TRABD2B: variants seen among roughly 807,000 people sequenced by gnomAD.
TRABD2B encodes metalloprotease TIKI2.
TRABD2B carries 14 observed loss-of-function variants against 40.1 expected under a neutral mutation model. The ratio of observed to expected loss-of-function variants is 0.35; its 90% CI spans 0.23 to 0.55. The LOEUF is 0.55. Ranked by LOEUF, TRABD2B falls within the 20% of genes least tolerant of loss-of-function variation. The probability of loss-of-function intolerance (pLI) is 0.90; values close to 1 mark genes in which losing one functional copy is unlikely to be tolerated. For missense variants in TRABD2B, 541 were observed against 648.6 expected (o/e 0.83, Z 1.80); for synonymous variants, 263 against 277.0 (o/e 0.95, Z 0.50).
chr1:47,844,252 C>A (rs953063304), intron 2 of TRABD2B, among the ~76,000 whole-genome samples: 4 of 152,176 alleles, frequency 2.6e-5, no homozygotes, highest in African/African-American at 9.6e-5. Context: ...TTTGAATAGG[C>A]CTTTTTCTCC....
At chr1:47,784,227 A>C (rs916251090) in intron 4 of TRABD2B, among the ~76,000 whole-genome samples, 33 of 152,218 alleles carry the variant, frequency 2.2e-4, no homozygotes, top group African/African-American at 7.7e-4. Flanking sequence ...GTCCCAGTTT[A>C]CTGCATGTCC....
At chr1:47,911,963 T>G (rs938960215) in intron 2 of TRABD2B, among the ~76,000 whole-genome samples, 1 of 152,192 alleles carries the variant, frequency 6.6e-6, no homozygotes, top group Admixed American at 6.5e-5. Context: ...ATGGAGTGAA[T>G]GTAATCAGTG....
intron 2 of TRABD2B, among the ~76,000 whole-genome samples, chr1:47,960,017 G>A (rs1275252247): frequency 2.0e-5 from 3 of 152,170 alleles, no homozygotes; most frequent in Non-Finnish European, 4.4e-5. Flanking sequence ...TATCCACCAC[G>A]ATCAAGCTGG....
intron 3 of TRABD2B, among the ~76,000 whole-genome samples, chr1:47,800,923 G>A (rs576614709): frequency 2.0e-5 from 3 of 152,354 alleles, no homozygotes; most frequent in East Asian, 1.9e-4. Context: ...CAGAGGGCAC[G>A]TTGTAAGGTC....
At chr1:47,895,388 A>G (rs1644503656) in intron 2 of TRABD2B, among the ~76,000 whole-genome samples, 1 of 152,178 alleles carries the variant, frequency 6.6e-6, no homozygotes, top group Admixed American at 6.5e-5. Flanking sequence ...GGAAGCATGT[A>G]CACTTCCAAG....
chr1:47,850,151 G>A (rs1171097098), intron 2 of TRABD2B, among the ~76,000 whole-genome samples: 4 of 152,246 alleles, frequency 2.6e-5, no homozygotes, highest in Non-Finnish European at 5.9e-5. Context: ...GGCTTCTAGG[G>A]AGCTTTCCCC....
At position 47,832,458 on chromosome 1, in the gene TRABD2B, G is replaced by A. The variant is rs576632179; in HGVS notation, c.667-30839C>T. ...GGGATAACAATAGCAATCCTGTTTT[G>A]GGGGGGATGATTTAAATGCATGGGA... On this transcript the variant is annotated intron_variant, in intron 2 of 6. Coordinates refer to ENST00000606738, the MANE Select transcript of TRABD2B (RefSeq NM_001194986.2). 2.0e-5 allele frequency among the ~76,000 whole-genome samples: 3 copies of A among 152,210 alleles called. No homozygotes were observed. In the South Asian group the frequency reaches 6.2e-4, roughly 32 times the overall value.
At chr1:47,807,694 A>C (rs1246934758) in intron 2 of TRABD2B, among the ~76,000 whole-genome samples, 1 of 151,950 alleles carries the variant, frequency 6.6e-6, no homozygotes, top group Non-Finnish European at 1.5e-5. Flanking sequence ...TCATCCCTTT[A>C]TCATATAACA....
chr1:47,959,521 A>C (rs963766239), intron 2 of TRABD2B, among the ~76,000 whole-genome samples: 2 of 152,194 alleles, frequency 1.3e-5, no homozygotes, highest in Non-Finnish European at 2.9e-5. Flanking sequence ...AAAATGATAA[A>C]GGGATATCAC....
At chr1:47,986,417 A>G (rs1460345526) in intron 2 of TRABD2B, among the ~76,000 whole-genome samples, 1 of 152,262 alleles carries the variant, frequency 6.6e-6, no homozygotes, top group Non-Finnish European at 1.5e-5. Context: ...AGAACATTCA[A>G]TCTAATTTTG....
intron 3 of TRABD2B, 99 bp downstream of exon 3, chr1:47,801,374 C>T (rs1644820775): frequency 7.8e-7 from 1 of 1,274,184 alleles, no homozygotes; most frequent in Non-Finnish European, 1.1e-6. Flanking sequence ...ATAACGATAG[C>T]TCCTTCTTGC....
At chr1:47,787,443 T>TA in intron 4 of TRABD2B, among the ~76,000 whole-genome samples, 1 of 152,306 alleles carries the variant, frequency 6.6e-6, no homozygotes, top group South Asian at 2.1e-4. Context: ...GTCTTTGGCG[T>TA]AACTCTCACC....
At chr1:47,774,192 A>G (rs982993950) in intron 6 of TRABD2B, among the ~76,000 whole-genome samples, 4 of 152,122 alleles carry the variant, frequency 2.6e-5, no homozygotes, top group African/African-American at 9.7e-5. Context: ...CTGTTTATTT[A>G]ACGAATAGCC....
At chr1:47,788,265 T>C (rs920196066) in intron 4 of TRABD2B, among the ~76,000 whole-genome samples, 1 of 152,196 alleles carries the variant, frequency 6.6e-6, no homozygotes, top group Admixed American at 6.5e-5. Context: ...GTTAATGGTA[T>C]TCTGTGTGTT....
rs1344922902 is a variant in TRABD2B at position 47,794,834 on chromosome 1, C to T, written c.814-74G>A. On this transcript the variant is annotated intron_variant, in intron 3 of 6. Transcript: ENST00000606738. ...TTTTGATAAAGGGTGTTACTGTCACCCAGGTTGGAGTGCAGTGGCTCACTG... is the reference window on the plus strand; with the variant it reads ...TTTTGATAAAGGGTGTTACTGTCACTCAGGTTGGAGTGCAGTGGCTCACTG... The T allele has an allele frequency of 1.9e-5, 26 of 1,396,718 alleles. No individual in the cohort carries two copies. In the Admixed American group the frequency reaches 2.0e-4, roughly 11 times the overall value. 86.5% of individuals were successfully genotyped at this position (1,396,718 alleles called of 1,614,324 possible).
Position 47,997,292 on chromosome 1 carries a change from G to T in TRABD2B, c.-503C>A. On this transcript the variant is annotated 5_prime_UTR_variant, in exon 1 of 7. Coordinates refer to ENST00000606738, the MANE Select transcript of TRABD2B (RefSeq NM_001194986.2). The stretch of plus-strand genomic sequence containing the variant: ...GGGGGCGGCTCTGGGGCGACCGGCT[G>T]CCCCCGAGCCCGGCTCAGAGGGGCG... The T allele has an allele frequency of 1.1e-6, 1 of 896,606 alleles. No individual in the cohort carries two copies. The highest frequency in any genetic ancestry group is 1.3e-6 in the Non-Finnish European group (1 of 751,304). The allele number at this position is 896,606 out of a possible 1,614,324, so 55.5% of individuals were successfully genotyped here.
intron 2 of TRABD2B, among the ~76,000 whole-genome samples, chr1:47,957,748 G>C (rs954692030): frequency 1.3e-5 from 2 of 152,208 alleles, no homozygotes; most frequent in Non-Finnish European, 2.9e-5. Flanking sequence ...GTACCTGAAA[G>C]TGACGGGGAG....
intron 2 of TRABD2B, among the ~76,000 whole-genome samples, chr1:47,903,396 T>C (rs1225241648): frequency 6.6e-6 from 1 of 152,098 alleles, no homozygotes; most frequent in Non-Finnish European, 1.5e-5. Context: ...CTCAGGGTCT[T>C]GGTGTGAAGA....
At chr1:47,975,690 C>T (rs75550144) in intron 2 of TRABD2B, among the ~76,000 whole-genome samples, 7,340 of 152,310 alleles carry the variant, frequency 0.048, 582 homozygotes, top group African/African-American at 0.17. Context: ...TTTGGCTTAA[C>T]AGCCAGCTCT....
Sources: gnomAD v4.1 joint callset for allele counts (sites outside exome capture counted in the v4.1 genomes callset) on GRCh38, gnomAD v4.1.1 for gene constraint, MANE v1.5 for transcripts, NCBI Gene and HGNC (gene_info 2026-07-23, HGNC 2026-07-21) for gene names.